KLF17: variants seen among roughly 807,000 people sequenced by gnomAD.
The protein encoded by KLF17 is Krueppel-like factor 17.
In KLF17, 31 loss-of-function variants were observed where a neutral mutation model predicts 34.2. The observed-to-expected ratio is 0.91, with a 90% CI of 0.68 to 1.22. The LOEUF (loss-of-function observed/expected upper bound fraction) is 1.22. KLF17 is among the 50% of genes most tolerant of loss of function. The pLI, the probability that KLF17 is intolerant of heterozygous loss-of-function variation, is 0.00. For synonymous variants in KLF17, 179 were observed against 186.7 expected (o/e 0.96, Z 0.34); for missense variants, 478 against 505.2 (o/e 0.95, Z 0.52).
the KLF17 span, among the ~76,000 whole-genome samples, chr1:44,091,309 A>G: frequency 8.5e-5 from 13 of 152,080 alleles, no homozygotes; most frequent in Admixed American, 7.9e-4. Flanking sequence ...TTATATCTGC[A>G]TGTCTAAATT....
the KLF17 span, chr1:44,103,391 G>C: frequency 7.9e-6 from 6 of 762,114 alleles, no homozygotes; most frequent in East Asian, 1.2e-4. Context: ...TCACAACCAC[G>C]GCCCTGGTGG....
the KLF17 span, among the ~76,000 whole-genome samples, chr1:44,082,275 A>G: frequency 6.6e-6 from 1 of 152,236 alleles, no homozygotes; most frequent in South Asian, 2.1e-4. Context: ...AGATACAGTG[A>G]TGTATTGAAC....
chr1:44,052,715 C>T, the KLF17 span, among the ~76,000 whole-genome samples: 1 of 152,112 alleles, frequency 6.6e-6, no homozygotes, highest in East Asian at 1.9e-4. Context: ...TCACTAAAAC[C>T]CCCATAGAGA....
At chr1:44,112,488 C>A in the KLF17 span, among the ~76,000 whole-genome samples, 1 of 152,082 alleles carries the variant, frequency 6.6e-6, no homozygotes, top group African/African-American at 2.4e-5. Context: ...TCACTTTAAC[C>A]TTGAACTCCT....
At chr1:44,076,004 CA>C in the KLF17 span, 1 of 152,186 alleles carries the variant, frequency 6.6e-6, no homozygotes, top group African/African-American at 2.4e-5. Flanking sequence ...TTCTGTATTC[CA>C]TCAGCAATGT....
the KLF17 span, among the ~76,000 whole-genome samples, chr1:44,108,333 C>T: frequency 1.3e-5 from 2 of 152,198 alleles, no homozygotes; most frequent in African/African-American, 2.4e-5. Flanking sequence ...TCCCAAGAGG[C>T]ATTGGAACTT....
At chr1:44,070,332 C>A in the KLF17 span, among the ~76,000 whole-genome samples, 1 of 152,126 alleles carries the variant, frequency 6.6e-6, no homozygotes, top group Non-Finnish European at 1.5e-5. Context: ...GATTTCTCAT[C>A]ATCCACCCCC....
the KLF17 span, among the ~76,000 whole-genome samples, chr1:44,046,972 G>A: frequency 3.5e-5 from 5 of 144,558 alleles, no homozygotes; most frequent in South Asian, 4.5e-4. Context: ...GCAGTGAGCC[G>A]AGCGAGATCG....
the KLF17 span, among the ~76,000 whole-genome samples, chr1:44,057,664 A>G: frequency 6.6e-6 from 1 of 152,248 alleles, no homozygotes; most frequent in Non-Finnish European, 1.5e-5. Flanking sequence ...CTAGAAAACA[A>G]CAAACTCTTT....
At chr1:44,104,415 T>G in the KLF17 span, 11 of 892,030 alleles carry the variant, frequency 1.2e-5, no homozygotes, top group South Asian at 7.8e-5. Flanking sequence ...CCACTTCGTC[T>G]CCTGAATCTT....
At chr1:44,115,932 T>G (rs2087875886), upstream of KLF17, 1 of 152,178 alleles carries the variant, frequency 6.6e-6, no homozygotes, top group African/African-American at 2.4e-5. Context: ...GCAAATAAAT[T>G]TTTCACTTTT....
upstream of KLF17, chr1:44,118,792 T>A: frequency 1.3e-6 from 1 of 769,486 alleles, no homozygotes; most frequent in South Asian, 2.3e-5. Context: ...GGCGCAGCTG[T>A]AAATAGGTAA....
At chr1:44,091,959 A>G in the KLF17 span, among the ~76,000 whole-genome samples, 1 of 109,800 alleles carries the variant, frequency 9.1e-6, no homozygotes, top group Admixed American at 9.6e-5. Context: ...CAACACACAC[A>G]CACTCTCTCT....
the KLF17 span, among the ~76,000 whole-genome samples, chr1:44,058,078 A>T: frequency 3.3e-5 from 5 of 152,218 alleles, no homozygotes; most frequent in Admixed American, 6.5e-5. Context: ...GGATTACCTA[A>T]AAGTCAGCAG....
the KLF17 span, among the ~76,000 whole-genome samples, chr1:44,102,855 A>T: frequency 1.5e-5 from 2 of 133,378 alleles, no homozygotes; most frequent in Admixed American, 7.7e-5. Context: ...AAACTGCCAT[A>T]AAAAAATGTT....
At chr1:44,070,590 CTTTTTTTTTTTTT>C in the KLF17 span, among the ~76,000 whole-genome samples, 1 of 78,680 alleles carries the variant, frequency 1.3e-5, no homozygotes, top group African/African-American at 4.9e-5. Flanking sequence ...TTTCCCTTGT[CTTTTTTTTTTTTT>C]TTTTTTTTTT....
At chr1:44,046,602 A>G in the KLF17 span, among the ~76,000 whole-genome samples, 57 of 152,070 alleles carry the variant, frequency 3.7e-4, no homozygotes, top group East Asian at 0.011. Context: ...TATGAAGTAG[A>G]TACTATATGT....
At chr1:44,128,486 T>A (rs1006883265) in intron 1 of KLF17, among the ~76,000 whole-genome samples, 1 of 152,210 alleles carries the variant, frequency 6.6e-6, no homozygotes, top group African/African-American at 2.4e-5. Flanking sequence ...CCATCCCTTT[T>A]TTTAAGAAGT....
chr1:44,098,508 C>T, the KLF17 span, among the ~76,000 whole-genome samples: 1 of 139,480 alleles, frequency 7.2e-6, no homozygotes. Flanking sequence ...ATTTTTAAAT[C>T]TTTTTTGTGA....
Sources: allele counts gnomAD v4.1 joint callset (sites outside exome capture counted in the v4.1 genomes callset), GRCh38; gene constraint gnomAD v4.1.1; transcripts MANE v1.5; gene names NCBI Gene and HGNC (gene_info 2026-07-23, HGNC 2026-07-21).